Variants in DDX27 observed in about 807,000 individuals in gnomAD.
The protein encoded by DDX27 is probable ATP-dependent RNA helicase DDX27.
Under a neutral mutation model 99.3 loss-of-function variants are expected in DDX27, and 42 were observed. The ratio of observed to expected loss-of-function variants is 0.42; its 90% CI spans 0.33 to 0.55. The LOEUF is 0.55. Among genes scored for constraint, DDX27 ranks in the 20% least tolerant of loss-of-function variants. The pLI is 0.07. For synonymous variants in DDX27, 329 were observed against 353.8 expected (o/e 0.93, Z 0.79); for missense variants, 798 against 976.8 (o/e 0.82, Z 2.44).
chr20:49,230,402 C>T (rs1378990670), intron 9 of DDX27, 53 bp downstream of exon 9: 3 of 1,561,944 alleles, frequency 1.9e-6, no homozygotes, highest in Non-Finnish European at 1.7e-6. Context: ...AGGCCCAGAA[C>T]CTGGATGTGG....
chr20:49,230,998 G>A (rs1425925350), intron 9 of DDX27: 1 of 152,356 alleles, frequency 6.6e-6, no homozygotes, highest in East Asian at 1.9e-4. Context: ...TTCTTAGCGT[G>A]TCCTCCTGTT....
At chr20:49,227,108 C>T (rs1038901970) in intron 7 of DDX27, among the ~76,000 whole-genome samples, 15 of 151,864 alleles carry the variant, frequency 9.9e-5, no homozygotes, top group Middle Eastern at 3.4e-3. Flanking sequence ...GTGATCCGCC[C>T]GCCTTGGCCT....
chr20:49,238,467 ATTT>A (rs11313004), intron 14 of DDX27: 91 of 144,320 alleles, frequency 6.3e-4, no homozygotes, highest in Middle Eastern at 3.2e-3. Flanking sequence ...ATGATGGCTA[ATTT>A]TTTTTTTTTT....
chr20:49,227,609 C>CTG, intron 7 of DDX27, among the ~76,000 whole-genome samples: 1 of 152,200 alleles, frequency 6.6e-6, no homozygotes, highest in East Asian at 1.9e-4. Context: ...TCAAGTGATA[C>CTG]ACCTGCCTCA....
rs199676448 is a variant in DDX27, at chr20:49,239,292, C to G, written c.1851C>G (p.Pro617=). 4 of 1,613,774 alleles carry G rather than the reference C, an allele frequency of 2.5e-6. No homozygotes were observed. The highest frequency in any genetic ancestry group is 2.5e-6 in the Non-Finnish European group (3 of 1,179,870). ...GGAAGGAGGCAGTGGTCCAAGAGCC[C>G]GAGAGGAGCTGGTTCCAGACCAAAG... ...EKGKEAVVQE[P]ERSWFQTKEE... Residue 617 remains proline (P), a synonymous_variant, in exon 16 of 21, where the codon CCC becomes CCG. Transcript: ENST00000618172.
chr20:49,242,563 A>G (rs1413267957), intron 18 of DDX27, 31 bp from the exon 19 acceptor site: 3 of 1,603,708 alleles, frequency 1.9e-6, no homozygotes, highest in East Asian at 2.2e-5. Context: ...GCCAAAGACA[A>G]CCATATGTAA....
In DDX27 at chr20:49,239,242, A is replaced by G. The variant is rs1180821487; in HGVS notation, c.1801A>G (p.Thr601Ala). ...CCTTTTGTTATCTCTACAGATCAAT[A>G]CAGCAAAGCGGCTCCTGGAGAAGGG... is the stretch of plus-strand genomic sequence containing the variant. ...EMQQSEAQIN[T>A]AKRLLEKGKE... Residue 601 changes from threonine to alanine, a missense_variant, in exon 16 of 21, where the codon ACA becomes GCA. Thr to Ala is a moderately conservative substitution (Grantham distance 58). Around this residue, in one of 2 missense-constraint regions of DDX27, gnomAD observed 553 missense variants for 727.9 expected, o/e 0.76. Coordinates refer to ENST00000618172, the MANE Select transcript of DDX27 (RefSeq NM_017895.8). The G allele has an allele frequency of 6.2e-7, 1 of 1,614,042 alleles. No individual in the cohort carries two copies. The highest frequency in any genetic ancestry group is 8.5e-7 in the Non-Finnish European group (1 of 1,179,966).
chr20:49,222,886 A>G lies in DDX27; in HGVS notation c.241-71A>G, dbSNP rs182547113. The stretch of plus-strand genomic sequence containing the variant: ...AAATTTTTTCTTTTTCAAGTTAATT[A>G]TGAAGAGTTTGTTCTCTTATTCGAT... On this transcript the variant is annotated intron_variant, in intron 2 of 20. Transcript: ENST00000618172. 3.4e-4 allele frequency: 459 copies of G among 1,337,270 alleles called. 3 individuals carry two copies. The East Asian group carries it at 0.011, about 33-fold the overall frequency. 82.8% of individuals were successfully genotyped at this position (1,337,270 alleles called of 1,614,324 possible).
intron 4 of DDX27, among the ~76,000 whole-genome samples, 155 bp downstream of exon 4, chr20:49,223,588 T>A (rs76681280): frequency 6.6e-6 from 1 of 151,216 alleles, no homozygotes. Context: ...TTTTTTTTTT[T>A]AAGAGATGTT....
At position 49,239,196 on chromosome 20, in the gene DDX27, T is replaced by C. The variant is rs775183764; in HGVS notation, c.1795-40T>C. On this transcript the variant is annotated intron_variant, in intron 15 of 20. Transcript: ENST00000618172. The stretch of plus-strand genomic sequence containing the variant: ...GCCCGTGGCTTCCTGTGTTAGTAGA[T>C]ACGGGTTTCACGGCAGGCATCCTTT... The C allele has an allele frequency of 5.6e-6, 9 of 1,593,970 alleles. No individual in the cohort carries two copies. The South Asian group carries it at 8.8e-5, about 16-fold the overall frequency.
chr20:49,228,760 A>G lies in DDX27; in HGVS notation c.752A>G (p.Tyr251Cys). 6.2e-7 allele frequency: 1 copy of G among 1,612,758 alleles called. No homozygotes were observed. Among genetic ancestry groups the G allele is most frequent in the East Asian group, 2.2e-5 (1 of 44,746 alleles). ...CTGCCTGTTTTGGAGCGTCTGATTTATAAACCCCGCCAGGCTCCAGTCACC... is the reference window on the plus strand; with the variant it reads ...CTGCCTGTTTTGGAGCGTCTGATTTGTAAACCCCGCCAGGCTCCAGTCACC... Reference protein sequence around the residue: ...FALPVLERLIYKPRQAPVTRV... With the variant: ...FALPVLERLICKPRQAPVTRV... Residue 251 changes from tyrosine to cysteine, a missense_variant, in exon 8 of 21, where the codon TAT (tyrosine) becomes TGT (cysteine). Transcript: ENST00000618172.
chr20:49,240,148 CAGAT>C (rs1275789090), intron 16 of DDX27, among the ~76,000 whole-genome samples: 2 of 152,128 alleles, frequency 1.3e-5, no homozygotes, highest in Non-Finnish European at 2.9e-5. Flanking sequence ...GTTTTGGAAA[CAGAT>C]AGTGGTGATG....
At chr20:49,225,629 G>A (rs184573393) in intron 6 of DDX27, among the ~76,000 whole-genome samples, 4 of 151,782 alleles carry the variant, frequency 2.6e-5, no homozygotes. Flanking sequence ...CTAATTTTTT[G>A]TATTTTTAGT....
In DDX27 at chr20:49,226,413, A is replaced by G. The variant is rs755783934; in HGVS notation, c.601-17A>G. The G allele has an allele frequency of 1.2e-6, 2 of 1,609,056 alleles. No homozygotes were observed. Among genetic ancestry groups the G allele is most frequent in the African/African-American group, 2.7e-5 (2 of 74,760 alleles). ...TCCCCCGCTCAACCCTGTCTGACCC[A>G]GTTCTTTTTTCCTCAGGCCATTACA... On this transcript the variant is annotated splice_polypyrimidine_tract_variant and intron_variant, in intron 6 of 20. Transcript: ENST00000618172.
Position 49,221,534 on chromosome 20 carries a change from A to T in DDX27, c.176A>T (p.Glu59Val). The change falls in exon 2 of 21, where the codon GAG (glutamate) becomes GTG (valine). Residue 59 changes from glutamate to valine, a missense_variant. By Grantham distance (121) the Glu-to-Val change is moderately radical. This residue lies in a region of DDX27 where 245 missense variants were observed against 248.8 expected (regional missense o/e 0.98). Coordinates refer to ENST00000618172, the MANE Select transcript of DDX27 (RefSeq NM_017895.8). ...TTCAACCCTGATTTCGTTTTCACTG[A>T]GAAGGAGGGGACGTACGATGGCAGC... is the stretch of plus-strand genomic sequence containing the variant. ...ADFNPDFVFT[E>V]KEGTYDGSWA... The T allele has an allele frequency of 6.2e-7, 1 of 1,613,742 alleles. No homozygotes were observed. The highest frequency in any genetic ancestry group is 1.1e-5 in the South Asian group (1 of 91,030).
intron 7 of DDX27, 67 bp from the exon 8 acceptor site, chr20:49,228,648 G>A: frequency 7.1e-7 from 1 of 1,410,474 alleles, no homozygotes. Context: ...TCTGTGCTCT[G>A]GTGAAAACCT....
chr20:49,233,460 G>A (rs1980194886), intron 10 of DDX27, 55 bp downstream of exon 10: 3 of 1,603,778 alleles, frequency 1.9e-6, no homozygotes, highest in Admixed American at 3.3e-5. Flanking sequence ...AGGGGGCCAT[G>A]CAGAGGACCC....
intron 11 of DDX27, chr20:49,234,675 C>G (rs1959374521): frequency 2.9e-6 from 1 of 346,208 alleles, no homozygotes; most frequent in East Asian, 4.8e-5. Context: ...TCTGCCTTGT[C>G]ATTCAACCTA....
intron 18 of DDX27, 123 bp from the exon 19 acceptor site, chr20:49,242,469 CAG>C: frequency 9.1e-7 from 1 of 1,097,350 alleles, no homozygotes; most frequent in Non-Finnish European, 1.3e-6. Flanking sequence ...CTGGTGAGGA[CAG>C]AATGAAAATA....
Sources: gnomAD v4.1 joint callset for allele counts (sites outside exome capture counted in the v4.1 genomes callset) on GRCh38, gnomAD v4.1.1 for gene constraint, gnomAD v4.1.1 regional missense constraint, MANE v1.5 for transcripts, NCBI Gene and HGNC (gene_info 2026-07-23, HGNC 2026-07-21) for gene names.